The following ARHGAP44 variants were observed in gnomAD, a reference collection of about 807,000 sequenced individuals.
ARHGAP44 encodes the protein Rho GTPase activating protein 44.
ARHGAP44 carries 43 observed loss-of-function variants against 106.8 expected under a neutral mutation model. The observed-to-expected ratio is 0.40, with a 90% CI of 0.32 to 0.52. The LOEUF (loss-of-function observed/expected upper bound fraction) is 0.52. ARHGAP44 is among the 20% of genes least tolerant of loss of function. ARHGAP44 has a pLI of 0.48. For synonymous variants in ARHGAP44, 439 were observed against 410.3 expected (o/e 1.07, Z -0.85); for missense variants, 866 against 1,050.5 (o/e 0.82, Z 2.43).
intron 1 of ARHGAP44, among the ~76,000 whole-genome samples, chr17:12,873,622 G>A (rs2036464471): frequency 6.6e-6 from 1 of 152,218 alleles, no homozygotes. Context: ...CACCAGCCAG[G>A]CTTGGTGGCT....
At chr17:12,794,613 G>A (rs140579232) in intron 1 of ARHGAP44, among the ~76,000 whole-genome samples, 1 of 152,116 alleles carries the variant, frequency 6.6e-6, no homozygotes, top group East Asian at 1.9e-4. Context: ...TGGTTGGGTC[G>A]GGTTGAATTG....
intron 1 of ARHGAP44, among the ~76,000 whole-genome samples, chr17:12,878,064 A>T (rs2036612343): frequency 6.6e-6 from 1 of 152,236 alleles, no homozygotes; most frequent in Non-Finnish European, 1.5e-5. Context: ...CCGTTACATG[A>T]AATATGTTTT....
intron 1 of ARHGAP44, among the ~76,000 whole-genome samples, chr17:12,880,002 A>C (rs1045520658): frequency 2.0e-5 from 3 of 152,088 alleles, no homozygotes; most frequent in Non-Finnish European, 4.4e-5. Flanking sequence ...CAGGTGTGGC[A>C]AAGGTGGAAG....
intron 19 of ARHGAP44, among the ~76,000 whole-genome samples, chr17:12,983,751 C>T (rs565847970): frequency 1.3e-4 from 20 of 152,124 alleles, no homozygotes; most frequent in African/African-American, 3.6e-4. Context: ...TTGTGGTGAG[C>T]GGCGATCGCG....
chr17:12,941,666 A>G (rs2038712293), intron 8 of ARHGAP44, among the ~76,000 whole-genome samples: 1 of 152,176 alleles, frequency 6.6e-6, no homozygotes. Context: ...AGTGACTGAT[A>G]GGTATATGAT....
intron 1 of ARHGAP44, among the ~76,000 whole-genome samples, chr17:12,881,373 T>A (rs891737767): frequency 8.3e-4 from 126 of 152,192 alleles, no homozygotes; most frequent in Non-Finnish European, 1.2e-3. Flanking sequence ...ATTTCTTTAT[T>A]TTTTTCTCAT....
intron 1 of ARHGAP44, among the ~76,000 whole-genome samples, chr17:12,824,457 A>G (rs1281354269): frequency 3.9e-5 from 6 of 152,088 alleles, no homozygotes; most frequent in Admixed American, 2.0e-4. Context: ...CTGGATGTTC[A>G]AAATGACCTC....
chr17:12,893,196 G>A (rs552593790), intron 1 of ARHGAP44, among the ~76,000 whole-genome samples: 2 of 152,238 alleles, frequency 1.3e-5, no homozygotes, highest in South Asian at 2.1e-4. Flanking sequence ...TTGACCCTTC[G>A]AAGATGGAGG....
intron 18 of ARHGAP44, among the ~76,000 whole-genome samples, chr17:12,978,790 G>A (rs1299669485): frequency 2.6e-5 from 4 of 151,394 alleles, no homozygotes; most frequent in African/African-American, 9.7e-5. Flanking sequence ...CCGGGTTCAA[G>A]CCATCCTCCT....
chr17:12,800,296 T>C (rs545204910), intron 1 of ARHGAP44, among the ~76,000 whole-genome samples: 1 of 152,370 alleles, frequency 6.6e-6, no homozygotes, highest in Non-Finnish European at 1.5e-5. Context: ...GGCAGCACCT[T>C]GAGGTATCAG....
intron 10 of ARHGAP44, among the ~76,000 whole-genome samples, chr17:12,944,929 T>C (rs1313750497): frequency 6.6e-6 from 1 of 152,126 alleles, no homozygotes; most frequent in Non-Finnish European, 1.5e-5. Flanking sequence ...ATCACAACTC[T>C]TATAGAGATC....
chr17:12,817,031 T>G (rs1479044085), intron 1 of ARHGAP44, among the ~76,000 whole-genome samples: 3 of 152,234 alleles, frequency 2.0e-5, no homozygotes, highest in Admixed American at 2.0e-4. Flanking sequence ...TAAAGTAAAT[T>G]TTTAACTGAT....
At position 12,852,211 on chromosome 17, in the gene ARHGAP44, T is replaced by C. The variant is rs143090080; in HGVS notation, c.54-42729T>C. Among the ~76,000 whole-genome samples, 1,052 of 136,298 alleles carry C rather than the reference T, an allele frequency of 7.7e-3. 7 individuals carry two copies. The highest frequency in any genetic ancestry group is 0.011 in the Non-Finnish European group (698 of 62,564). 89.4% of individuals were successfully genotyped at this position (136,298 alleles called of 152,430 possible). On this transcript the variant is annotated intron_variant, in intron 1 of 20. Coordinates refer to ENST00000379672, the MANE Select transcript of ARHGAP44 (RefSeq NM_014859.6). ...TTAGGCAAAACGATAGGGAGGGTGG[T>C]TTTGTGTGGGATAGATTTTAAATGC...
intron 17 of ARHGAP44, chr17:12,973,710 C>G (rs541145207): frequency 1.0e-5 from 5 of 481,208 alleles, no homozygotes; most frequent in Non-Finnish European, 1.8e-5. Context: ...TCCCTGCCCC[C>G]CCAGTTAGGC....
At chr17:12,952,731 T>C in intron 13 of ARHGAP44, 150 bp downstream of exon 13, 2 of 157,116 alleles carry the variant, frequency 1.3e-5, no homozygotes, top group East Asian at 1.6e-4. Context: ...TCTTTTTTTT[T>C]TTTTTTTTTT....
chr17:12,793,164 T>C (rs2033815985), intron 1 of ARHGAP44, among the ~76,000 whole-genome samples: 1 of 152,188 alleles, frequency 6.6e-6, no homozygotes, highest in African/African-American at 2.4e-5. Context: ...TAGTTAAGGA[T>C]TGCACTGTGG....
At chr17:12,887,044 C>T (rs1286421603) in intron 1 of ARHGAP44, among the ~76,000 whole-genome samples, 5 of 141,002 alleles carry the variant, frequency 3.5e-5, no homozygotes, top group Non-Finnish European at 6.1e-5. Flanking sequence ...TTGCTATGAT[C>T]GTGTGGTTTT....
chr17:12,802,927 T>TTATA (rs1159214788), intron 1 of ARHGAP44, among the ~76,000 whole-genome samples: 118 of 29,228 alleles, frequency 4.0e-3, no homozygotes, highest in Non-Finnish European at 5.4e-3. Flanking sequence ...CCTGGCTAAT[T>TTATA]TATATATATA....
At chr17:12,937,176 G>A (rs982198229) in intron 7 of ARHGAP44, among the ~76,000 whole-genome samples, 5 of 152,304 alleles carry the variant, frequency 3.3e-5, no homozygotes, top group East Asian at 1.9e-4. Context: ...GGGGGTTGGC[G>A]TTGAGTATTT....
Sources: gnomAD v4.1 joint callset for allele counts (sites outside exome capture counted in the v4.1 genomes callset) on GRCh38, gnomAD v4.1.1 for gene constraint, MANE v1.5 for transcripts, NCBI Gene and HGNC (gene_info 2026-07-23, HGNC 2026-07-21) for gene names.